The following OTUD7A variants were observed in gnomAD, a reference collection of about 807,000 sequenced individuals.
OTUD7A encodes OTU deubiquitinase 7A, also known as OTU domain-containing protein 7A.
A neutral mutation model predicts 65.7 loss-of-function variants in OTUD7A; 12 were observed. That is an observed-to-expected ratio of 0.18 (90% CI 0.12 to 0.30). OTUD7A has a LOEUF of 0.30. Among genes scored for constraint, OTUD7A ranks in the 10% least tolerant of loss-of-function variants. OTUD7A has a pLI of 1.00. For missense variants in OTUD7A, 1,148 were observed against 1,304.8 expected, an observed-to-expected ratio of 0.88 and a Z score of 1.85; for synonymous variants, 641 against 586.3, an observed-to-expected ratio of 1.09 and a Z score of -1.35.
At chr15:31,664,045 T>C (rs1595694820) in intron 1 of OTUD7A, among the ~76,000 whole-genome samples, 1 of 152,200 alleles carries the variant, frequency 6.6e-6, no homozygotes, top group South Asian at 2.1e-4. Flanking sequence ...TGTATAAATA[T>C]ACTATAGTTT....
intron 1 of OTUD7A, among the ~76,000 whole-genome samples, chr15:31,692,872 T>C (rs1236028255): frequency 1.3e-5 from 2 of 149,366 alleles, no homozygotes; most frequent in Admixed American, 6.6e-5. Flanking sequence ...TGCAGTCCCC[T>C]GGCTGAAAGA....
chr15:31,791,020 T>G (rs1289784372), intron 1 of OTUD7A, among the ~76,000 whole-genome samples: 1 of 152,134 alleles, frequency 6.6e-6, no homozygotes, highest in East Asian at 1.9e-4. Flanking sequence ...GGTCATCTTT[T>G]TTTGTTTGTT....
intron 1 of OTUD7A, among the ~76,000 whole-genome samples, chr15:31,753,709 TATATATATATATTA>T (rs1894718965): frequency 1.3e-4 from 15 of 112,464 alleles, no homozygotes; most frequent in Non-Finnish European, 1.9e-4. Flanking sequence ...ATATTATATA[TATATATATATATTA>T]TATATATATA....
At chr15:31,495,309 C>T (rs995550491) in intron 10 of OTUD7A, among the ~76,000 whole-genome samples, 4 of 152,150 alleles carry the variant, frequency 2.6e-5, no homozygotes, top group Non-Finnish European at 2.9e-5. Context: ...AAACACACCT[C>T]GTGCTTTTAA....
chr15:31,622,653 C>G (rs62004126), intron 3 of OTUD7A, among the ~76,000 whole-genome samples: 1 of 152,268 alleles, frequency 6.6e-6, no homozygotes, highest in African/African-American at 2.4e-5. Flanking sequence ...GTTATTCTAG[C>G]TAGCCATTCG....
rs139240916 is a variant in OTUD7A, at chr15:31,677,561, T to A, written c.-99-20484A>T. Among the ~76,000 whole-genome samples, 1,089 of 151,284 alleles carry A rather than the reference T, an allele frequency of 7.2e-3. 42 individuals are homozygous for A. Among genetic ancestry groups the A allele is most frequent in the Admixed American group, 0.056 (857 of 15,218 alleles). On this transcript the variant is annotated intron_variant, in intron 1 of 12. Transcript: ENST00000307050. ...TCTCATGATAATGAGTGAGTTCTCA[T>A]GAGATCTGATGGTTTTTATAAGTGC...
At chr15:31,860,742 G>A (rs993373014) in intron 1 of OTUD7A, among the ~76,000 whole-genome samples, 2 of 130,538 alleles carry the variant, frequency 1.5e-5, no homozygotes, top group Non-Finnish European at 3.3e-5. Context: ...GTTTCGCTCT[G>A]TTGCCCAGGC....
chr15:31,755,194 G>A (rs1894777078), intron 1 of OTUD7A, among the ~76,000 whole-genome samples: 1 of 151,652 alleles, frequency 6.6e-6, no homozygotes, highest in Admixed American at 6.6e-5. Flanking sequence ...GAGGGAAGGA[G>A]GAGGAATGGA....
chr15:31,750,403 CA>C (rs3080850), intron 1 of OTUD7A, among the ~76,000 whole-genome samples: 2,471 of 88,254 alleles, frequency 0.028, 81 homozygotes, highest in African/African-American at 0.1. Flanking sequence ...GAATCTGACT[CA>C]AAAAAAAAAA....
chr15:31,507,409 G>A (rs1279597649), intron 8 of OTUD7A, among the ~76,000 whole-genome samples: 1 of 152,068 alleles, frequency 6.6e-6, no homozygotes, highest in East Asian at 1.9e-4. Flanking sequence ...TTTAAAGGAC[G>A]TCGTTCCATT....
At chr15:31,867,902 C>A (rs1443286395) in intron 1 of OTUD7A, among the ~76,000 whole-genome samples, 1 of 123,800 alleles carries the variant, frequency 8.1e-6, no homozygotes, top group Admixed American at 8.9e-5. Context: ...CATGCGGGAG[C>A]GGAGGGGGAG....
At chr15:31,526,496 G>A (rs1295674090) in intron 7 of OTUD7A, 35 bp from the exon 8 acceptor site, 4 of 1,493,480 alleles carry the variant, frequency 2.7e-6, no homozygotes, top group African/African-American at 2.8e-5. Context: ...AGGGGGGTGG[G>A]CCACAGCTGC....
chr15:31,484,256 GC>G lies in OTUD7A; in HGVS notation c.1839del (p.Pro614ArgfsTer12). 6.3e-7 allele frequency: 1 copy of G among 1,596,338 alleles called. No individual in the cohort carries two copies. ...AGASPAEKGGGPRGDAWKYST... is the reference protein window; with the variant it reads ...AGASPAEKGGXPRGDAWKYST... Reference sequence around the variant, plus strand: ...CTGTACTTCCAGGCGTCGCCCCGCGGCCCACCGCCCTTCTCCGCCGGCGACG... The same window carrying G: ...CTGTACTTCCAGGCGTCGCCCCGCGGCCACCGCCCTTCTCCGCCGGCGACG... On this transcript the variant is annotated frameshift_variant, in exon 13 of 13. Coordinates refer to ENST00000307050, the MANE Select transcript of OTUD7A (RefSeq NM_001382637.1). LOFTEE classifies it low-confidence loss of function (END_TRUNC). The surrounding 1 kb of genome is among the most constrained non-coding windows in gnomAD (Gnocchi z 4.5).
intron 1 of OTUD7A, among the ~76,000 whole-genome samples, chr15:31,746,034 C>T (rs1017935478): frequency 1.3e-5 from 2 of 152,298 alleles, no homozygotes; most frequent in South Asian, 4.1e-4. Flanking sequence ...CTTACAACAT[C>T]AAGTGTTGAC....
chr15:31,631,130 A>G (rs1427736479), intron 3 of OTUD7A, among the ~76,000 whole-genome samples: 1 of 152,168 alleles, frequency 6.6e-6, no homozygotes, highest in Non-Finnish European at 1.5e-5. Context: ...TCCTGTCATT[A>G]TGATGTTAGC....
chr15:31,778,424 C>A (rs1215840251), intron 1 of OTUD7A, among the ~76,000 whole-genome samples: 2 of 152,152 alleles, frequency 1.3e-5, no homozygotes, highest in Non-Finnish European at 2.9e-5. Context: ...AATTGTATAT[C>A]CAAAGGAAAG....
At position 31,768,673 on chromosome 15, in the gene OTUD7A, T is replaced by C. The variant is rs970137314; in HGVS notation, c.-100+101834A>G. ...CCATCACAAAGAAAAAAAAAAAAAG[T>C]GATAACACTGGTGGCACTTTCGGCG... On this transcript the variant is annotated intron_variant, in intron 1 of 12. Transcript: ENST00000307050. Among the ~76,000 whole-genome samples, 46 of 148,382 alleles carry C rather than the reference T, an allele frequency of 3.1e-4. 1 individual carries two copies. Among genetic ancestry groups the C allele is most frequent in the Middle Eastern group, 3.4e-3 (1 of 290 alleles).
intron 1 of OTUD7A, among the ~76,000 whole-genome samples, chr15:31,798,524 T>C (rs559903776): frequency 6.6e-6 from 1 of 152,200 alleles, no homozygotes; most frequent in Non-Finnish European, 1.5e-5. Flanking sequence ...ATTCTGAAGA[T>C]GACCAGGCAG....
At chr15:31,588,287 C>G (rs977234924) in intron 3 of OTUD7A, among the ~76,000 whole-genome samples, 1 of 152,174 alleles carries the variant, frequency 6.6e-6, no homozygotes, top group South Asian at 2.1e-4. Flanking sequence ...TTCATGCAGT[C>G]TGGCTCCATT....
Sources: allele counts gnomAD v4.1 joint callset (sites outside exome capture counted in the v4.1 genomes callset), GRCh38; gene constraint gnomAD v4.1.1; non-coding constraint Gnocchi (gnomAD v3.1); transcripts MANE v1.5; gene names NCBI Gene and HGNC (gene_info 2026-07-23, HGNC 2026-07-21).